Variants in AZI2 observed in about 807,000 individuals in gnomAD.
AZI2 encodes 5-azacytidine induced 2.
In AZI2, 22 loss-of-function variants were observed where a neutral mutation model predicts 45.8. That is an observed-to-expected ratio of 0.48 (90% confidence interval 0.34 to 0.69). The LOEUF is 0.69. Among genes scored for constraint, AZI2 ranks in the 30% least tolerant of loss-of-function variants. The pLI is 0.01. For missense variants in AZI2, 417 were observed against 441.5 expected, an observed-to-expected ratio of 0.94 and a Z score of 0.50; for synonymous variants, 137 against 156.7, an observed-to-expected ratio of 0.87 and a Z score of 0.94.
chr3:28,330,530 C>T (rs937817216), intron 6 of AZI2, among the ~76,000 whole-genome samples: 1 of 151,130 alleles, frequency 6.6e-6, no homozygotes, highest in African/African-American at 2.4e-5. Context: ...TAACAAAACA[C>T]AAGAACATAA....
rs1703262656 is a variant in AZI2, at chr3:28,323,600, C to T, written c.*442G>A. On this transcript the variant is annotated 3_prime_UTR_variant, in exon 8 of 8. Coordinates refer to ENST00000479665, the MANE Select transcript of AZI2 (RefSeq NM_022461.5). ...TCAATATCTTTACGCATTATAACAACAGAAATGTAACCTACTCACATTGCC... is the reference window on the plus strand; with the variant it reads ...TCAATATCTTTACGCATTATAACAATAGAAATGTAACCTACTCACATTGCC... 1 of 152,644 alleles carries T rather than the reference C, an allele frequency of 6.6e-6. No individual in the cohort carries two copies. The highest frequency in any genetic ancestry group is 2.4e-5 in the African/African-American group (1 of 41,322). The allele number at this position is 152,644 out of a possible 1,614,324, so 9.5% of individuals were successfully genotyped here.
At position 28,323,344 on chromosome 3, in the gene AZI2, C is replaced by A. The variant is rs569461664; in HGVS notation, c.*698G>T. The A allele has an allele frequency of 1.4e-5, 2 of 147,950 alleles. No individual in the cohort carries two copies. Among genetic ancestry groups the A allele is most frequent in the South Asian group, 4.2e-4 (2 of 4,724 alleles). The allele number at this position is 147,950 out of a possible 1,614,324, so 9.2% of individuals were successfully genotyped here. ...CATTTGTTTACACCCCAGAGTTTTTCAACTATTTCATTTTTTTTTTTTTTT... is the reference window on the plus strand; with the variant it reads ...CATTTGTTTACACCCCAGAGTTTTTAAACTATTTCATTTTTTTTTTTTTTT... On this transcript the variant is annotated 3_prime_UTR_variant, in exon 8 of 8. Transcript: ENST00000479665.
At chr3:28,326,984 C>T (rs530300502) in intron 6 of AZI2, 34 bp from the exon 7 acceptor site, 1 of 1,414,146 alleles carries the variant, frequency 7.1e-7, no homozygotes, top group African/African-American at 1.4e-5. Context: ...AGTTAATACT[C>T]ATCATTCTTT....
intron 1 of AZI2, among the ~76,000 whole-genome samples, chr3:28,343,527 C>T (rs895506421): frequency 6.6e-5 from 10 of 151,710 alleles, no homozygotes; most frequent in Non-Finnish European, 1.5e-4. Flanking sequence ...TGAATACTTA[C>T]AATGTTGATT....
chr3:28,341,587 A>C (rs1704019871), intron 1 of AZI2: 1 of 152,062 alleles, frequency 6.6e-6, no homozygotes, highest in South Asian at 2.1e-4. Context: ...CTTCTCTGAG[A>C]GTTAGGTTCC....
chr3:28,346,325 GCCA>G (rs1704228209), intron 1 of AZI2, among the ~76,000 whole-genome samples: 1 of 152,064 alleles, frequency 6.6e-6, no homozygotes, highest in South Asian at 2.1e-4. Flanking sequence ...TCACTAAGAT[GCCA>G]CCTTACTAAA....
intron 4 of AZI2, among the ~76,000 whole-genome samples, chr3:28,337,505 A>T (rs951935581): frequency 1.3e-5 from 2 of 151,986 alleles, no homozygotes; most frequent in Admixed American, 6.6e-5. Context: ...CCAACTTTCC[A>T]CCCCAACATT....
At chr3:28,332,892 C>A (rs1374903987) in intron 5 of AZI2, among the ~76,000 whole-genome samples, 1 of 151,726 alleles carries the variant, frequency 6.6e-6, no homozygotes, top group Non-Finnish European at 1.5e-5. Context: ...TGTAAAACAT[C>A]AGCATACATT....
intron 5 of AZI2, among the ~76,000 whole-genome samples, chr3:28,336,325 T>C (rs1219875942): frequency 6.6e-6 from 1 of 152,094 alleles, no homozygotes; most frequent in African/African-American, 2.4e-5. Flanking sequence ...TCTTTGTTGT[T>C]GTTTTAATTA....
intron 6 of AZI2, among the ~76,000 whole-genome samples, chr3:28,328,456 G>C (rs933613895): frequency 7.9e-5 from 12 of 151,140 alleles, no homozygotes; most frequent in Non-Finnish European, 5.9e-5. Flanking sequence ...TATTATTGGT[G>C]CGAGACAGTA....
At position 28,321,985 on chromosome 3, in the gene AZI2, T is replaced by G. The variant is rs1380577648; in HGVS notation, c.*2057A>C. The G allele has an allele frequency of 4.6e-5, 7 of 151,322 alleles. No homozygotes were observed. The highest frequency in any genetic ancestry group is 1.5e-4 in the African/African-American group (6 of 41,332). 9.4% of individuals were successfully genotyped at this position (151,322 alleles called of 1,614,324 possible). ...TCAGCTAGTATGAAAGAAGTCAACA[T>G]AAAATATTCAATTTTAAATAGATTC... On this transcript the variant is annotated 3_prime_UTR_variant, in exon 8 of 8. Coordinates refer to ENST00000479665, the MANE Select transcript of AZI2 (RefSeq NM_022461.5).
chr3:28,323,959 C>G lies in AZI2; in HGVS notation c.*83G>C. The G allele has an allele frequency of 6.9e-7, 1 of 1,445,348 alleles. No homozygotes were observed. The highest frequency in any genetic ancestry group is 9.4e-7 in the Non-Finnish European group (1 of 1,067,784). The allele number at this position is 1,445,348 out of a possible 1,614,324, so 89.5% of individuals were successfully genotyped here. On this transcript the variant is annotated 3_prime_UTR_variant, in exon 8 of 8. Coordinates refer to ENST00000479665, the MANE Select transcript of AZI2 (RefSeq NM_022461.5). ...TCTGCAAAATTTTAATCAAAATCTC[C>G]TTTCAGTTTGTTAAATAATTTCTTG...
intron 1 of AZI2, among the ~76,000 whole-genome samples, chr3:28,347,139 CAGTGAT>C (rs1704273927): frequency 6.6e-6 from 1 of 152,068 alleles, no homozygotes; most frequent in Admixed American, 6.5e-5. Context: ...TATTTTCTAA[CAGTGAT>C]AAGGCAACTA....
At chr3:28,347,640 C>G (rs570324961) in intron 1 of AZI2, among the ~76,000 whole-genome samples, 5 of 152,196 alleles carry the variant, frequency 3.3e-5, no homozygotes, top group Admixed American at 2.0e-4. Flanking sequence ...CTGACCTAAT[C>G]CAGTGTCATT....
Position 28,340,383 on chromosome 3 carries a change from G to A in AZI2, c.216+19C>T. On this transcript the variant is annotated intron_variant, in intron 2 of 7. Coordinates refer to ENST00000479665, the MANE Select transcript of AZI2 (RefSeq NM_022461.5). ...TTCCTTATGTCACAAACGCAATGAA[G>A]GTAAAAGATAAAAATTACCTTTTCT... 1.4e-6 allele frequency: 2 copies of A among 1,457,596 alleles called. No homozygotes were observed. Among genetic ancestry groups the A allele is most frequent in the South Asian group, 2.4e-5 (2 of 84,262 alleles). 90.3% of individuals were successfully genotyped at this position (1,457,596 alleles called of 1,614,324 possible).
intron 6 of AZI2, 195 bp from the exon 7 acceptor site, chr3:28,327,145 C>G: frequency 1.9e-6 from 1 of 525,830 alleles, no homozygotes; most frequent in Non-Finnish European, 3.4e-6. Flanking sequence ...CACTGTCCAT[C>G]TGATATGTAG....
At chr3:28,337,455 A>C (rs527444089) in intron 4 of AZI2, among the ~76,000 whole-genome samples, 226 of 152,238 alleles carry the variant, frequency 1.5e-3, no homozygotes, top group Non-Finnish European at 2.8e-3. Flanking sequence ...ATCATAATGA[A>C]TATTCATGGG....
chr3:28,328,683 T>C (rs902611690), intron 6 of AZI2, among the ~76,000 whole-genome samples: 1 of 151,256 alleles, frequency 6.6e-6, no homozygotes, highest in Non-Finnish European at 1.5e-5. Context: ...TTTTTGCTCT[T>C]AATGTAACCT....
intron 5 of AZI2, among the ~76,000 whole-genome samples, chr3:28,336,111 C>G (rs183175847): frequency 6.6e-6 from 1 of 152,158 alleles, no homozygotes; most frequent in East Asian, 1.9e-4. Context: ...ACTGGGCAAA[C>G]AGACTCTTGG....
Sources: gnomAD v4.1 joint callset for allele counts (sites outside exome capture counted in the v4.1 genomes callset) on GRCh38, gnomAD v4.1.1 for gene constraint, MANE v1.5 for transcripts, NCBI Gene and HGNC (gene_info 2026-07-23, HGNC 2026-07-21) for gene names.